The following DCBLD2 variants were observed in gnomAD, a reference collection of about 807,000 sequenced individuals.
DCBLD2 encodes discoidin, CUB and LCCL domain containing 2.
A neutral mutation model predicts 86.8 loss-of-function variants in DCBLD2; 54 were observed. The ratio of observed to expected loss-of-function variants is 0.62; its 90% CI spans 0.50 to 0.78. The LOEUF (loss-of-function observed/expected upper bound fraction) is 0.78, where lower values mean the gene tolerates loss of function less well. DCBLD2 is among the 30% of genes least tolerant of loss of function. DCBLD2 has a pLI of 0.00. For missense variants in DCBLD2, 908 were observed against 954.2 expected (o/e 0.95, Z 0.64); for synonymous variants, 354 against 341.3 (o/e 1.04, Z -0.41).
At chr3:98,835,536 T>C (rs1297816733) in intron 3 of DCBLD2, among the ~76,000 whole-genome samples, 5 of 150,606 alleles carry the variant, frequency 3.3e-5, no homozygotes, top group Non-Finnish European at 5.9e-5. Flanking sequence ...TCACTCCGTA[T>C]GCTATTTTTT....
At chr3:98,846,914 T>C (rs1192018394) in intron 3 of DCBLD2, among the ~76,000 whole-genome samples, 1 of 152,112 alleles carries the variant, frequency 6.6e-6, no homozygotes, top group Non-Finnish European at 1.5e-5. Context: ...TCCAGAAACC[T>C]TCAACTTGAT....
At chr3:98,860,961 T>G (rs1943031552) in intron 2 of DCBLD2, among the ~76,000 whole-genome samples, 1 of 152,188 alleles carries the variant, frequency 6.6e-6, no homozygotes, top group African/African-American at 2.4e-5. Context: ...CTCATCAGTG[T>G]GCTGTATTCA....
chr3:98,827,153 G>C (rs143357016), intron 3 of DCBLD2, among the ~76,000 whole-genome samples: 264 of 152,204 alleles, frequency 1.7e-3, no homozygotes, highest in Admixed American at 6.4e-3. Flanking sequence ...CTGTGCTTTA[G>C]GAATTTAATA....
intron 1 of DCBLD2, among the ~76,000 whole-genome samples, chr3:98,884,057 A>G (rs980026829): frequency 6.6e-6 from 1 of 152,084 alleles, no homozygotes; most frequent in African/African-American, 2.4e-5. Context: ...TAATGATGGA[A>G]CAACTTTGTA....
intron 3 of DCBLD2, among the ~76,000 whole-genome samples, chr3:98,840,496 G>A (rs146809338): frequency 3.9e-5 from 6 of 152,098 alleles, no homozygotes; most frequent in South Asian, 2.1e-4. Context: ...TCAAAGTACG[G>A]GGCAGTATAT....
intron 2 of DCBLD2, among the ~76,000 whole-genome samples, chr3:98,873,465 T>A (rs1215885168): frequency 6.6e-6 from 1 of 152,068 alleles, no homozygotes; most frequent in Non-Finnish European, 1.5e-5. Flanking sequence ...TGCAATAGAA[T>A]TATACATTAT....
intron 8 of DCBLD2, 85 bp downstream of exon 8, chr3:98,819,113 CTTAA>C (rs1942072437): frequency 7.8e-7 from 1 of 1,278,388 alleles, no homozygotes; most frequent in Non-Finnish European, 1.1e-6. Context: ...ATTTTAATGC[CTTAA>C]TTTTCTCTGA....
chr3:98,849,531 C>T lies in DCBLD2; in HGVS notation c.501G>A (p.Leu167=). The T allele has an allele frequency of 1.2e-6, 2 of 1,613,876 alleles. No individual in the cohort carries two copies. The highest frequency in any genetic ancestry group is 1.7e-6 in the Non-Finnish European group (2 of 1,179,830). Residue 167 remains leucine (L), a synonymous_variant, in exon 3 of 16, where the codon TTG becomes TTA. Coordinates refer to ENST00000326840, the MANE Select transcript of DCBLD2 (RefSeq NM_080927.4). ...SIESKGNEIT[L]LFMSGIHVSG... ...AAACATGGATTCCACTCATGAACAGCAATGTGATTTCATTGCCTTTTGATT... is the reference window on the plus strand; with the variant it reads ...AAACATGGATTCCACTCATGAACAGTAATGTGATTTCATTGCCTTTTGATT...
chr3:98,876,867 G>C (rs1943381505), intron 2 of DCBLD2, among the ~76,000 whole-genome samples: 1 of 152,144 alleles, frequency 6.6e-6, no homozygotes, highest in African/African-American at 2.4e-5. Context: ...ATGATGCACA[G>C]TGATTTCCAG....
intron 1 of DCBLD2, among the ~76,000 whole-genome samples, chr3:98,893,642 A>G (rs1370484891): frequency 6.6e-6 from 1 of 152,210 alleles, no homozygotes; most frequent in East Asian, 1.9e-4. Context: ...TGAAAAAAGC[A>G]GAGATACAAG....
intron 1 of DCBLD2, among the ~76,000 whole-genome samples, chr3:98,882,307 A>G (rs1943485003): frequency 6.6e-6 from 1 of 152,234 alleles, no homozygotes; most frequent in South Asian, 2.1e-4. Context: ...CAATCTTCAA[A>G]AGAAGAGCAA....
intron 1 of DCBLD2, among the ~76,000 whole-genome samples, chr3:98,899,267 T>C (rs1224099391): frequency 1.6e-3 from 231 of 148,262 alleles, no homozygotes; most frequent in Admixed American, 5.5e-3. Flanking sequence ...TTTCTTTTTT[T>C]TTTTTTTTTT....
At chr3:98,800,523 G>A in intron 15 of DCBLD2, 56 bp downstream of exon 15, 1 of 1,532,162 alleles carries the variant, frequency 6.5e-7, no homozygotes, top group South Asian at 1.3e-5. Context: ...GCACTTTATA[G>A]CAAGCCTAAG....
At chr3:98,881,266 CA>C (rs35861171) in intron 2 of DCBLD2, among the ~76,000 whole-genome samples, 55,209 of 136,368 alleles carry the variant, frequency 0.4, 11,040 homozygotes, top group East Asian at 0.72. Context: ...AAAAAAAAAA[CA>C]AAAAAAAAAA....
At chr3:98,835,595 C>A (rs1164671693) in intron 3 of DCBLD2, among the ~76,000 whole-genome samples, 1 of 148,918 alleles carries the variant, frequency 6.7e-6, no homozygotes, top group Non-Finnish European at 1.5e-5. Flanking sequence ...TGTTGCCCAG[C>A]CTTGAGTGCA....
chr3:98,804,841 T>C (rs1040963054), intron 13 of DCBLD2: 1 of 152,230 alleles, frequency 6.6e-6, no homozygotes, highest in Admixed American at 6.5e-5. Context: ...AGTTTCCATG[T>C]AGTTGAGTGG....
chr3:98,801,193 C>T (rs779111018), intron 14 of DCBLD2: 11 of 236,088 alleles, frequency 4.7e-5, no homozygotes, highest in African/African-American at 6.7e-5. Flanking sequence ...GGAGACCTCC[C>T]GATTCCTAAA....
In DCBLD2 at chr3:98,839,093, C is replaced by G. The variant is rs975114782; in HGVS notation, c.571+10368G>C. Among the ~76,000 whole-genome samples the G allele has an allele frequency of 6.3e-4, 96 of 151,400 alleles. 2 individuals carry two copies. Among genetic ancestry groups the G allele is most frequent in the Admixed American group, 2.2e-3 (34 of 15,176 alleles). The stretch of plus-strand genomic sequence containing the variant: ...TTGATCTGTGACCTTACCCCCAACC[C>G]TGTGCTCCCTTCTTTCTTTCTTTCT... On this transcript the variant is annotated intron_variant, in intron 3 of 15. Coordinates refer to ENST00000326840, the MANE Select transcript of DCBLD2 (RefSeq NM_080927.4).
intron 14 of DCBLD2, 21 bp downstream of exon 14, chr3:98,801,579 T>C (rs1292584707): frequency 1.9e-6 from 3 of 1,601,790 alleles, no homozygotes; most frequent in South Asian, 2.2e-5. Context: ...AGAAATGAGA[T>C]GCAAAGACCA....
Sources: gnomAD v4.1 joint callset for allele counts (sites outside exome capture counted in the v4.1 genomes callset) on GRCh38, gnomAD v4.1.1 for gene constraint, MANE v1.5 for transcripts, NCBI Gene and HGNC (gene_info 2026-07-23, HGNC 2026-07-21) for gene names.